The following PDS5A variants were observed in gnomAD, a reference collection of about 807,000 sequenced individuals.
PDS5A encodes PDS5 cohesin associated factor A.
PDS5A carries 42 observed loss-of-function variants against 167.1 expected under a neutral mutation model. That is an observed-to-expected ratio of 0.25 (90% CI 0.20 to 0.33). PDS5A has a LOEUF of 0.33. Ranked by LOEUF, PDS5A falls within the 10% of genes least tolerant of loss-of-function variation. The pLI is 1.00. For missense variants in PDS5A, 1,033 were observed against 1,605.9 expected (o/e 0.64, Z 6.10); for synonymous variants, 553 against 554.6 (o/e 1.00, Z 0.04).
intron 18 of PDS5A, among the ~76,000 whole-genome samples, chr4:39,879,228 C>T (rs1366516047): frequency 6.6e-6 from 1 of 152,138 alleles, no homozygotes; most frequent in Non-Finnish European, 1.5e-5. Context: ...TGGTTGTAAG[C>T]CAGGTTAAAA....
chr4:39,846,603 T>C (rs1273515213), intron 28 of PDS5A: 1 of 152,218 alleles, frequency 6.6e-6, no homozygotes, highest in Admixed American at 6.5e-5. Context: ...TGGAAAATGA[T>C]AGCACTTTGA....
At chr4:39,913,444 T>C (rs1724074130) in intron 9 of PDS5A, among the ~76,000 whole-genome samples, 167 bp downstream of exon 9, 1 of 152,166 alleles carries the variant, frequency 6.6e-6, no homozygotes, top group Admixed American at 6.5e-5. Context: ...GCTTTCTTCA[T>C]AAAAAATTTT....
intron 32 of PDS5A, among the ~76,000 whole-genome samples, chr4:39,826,471 A>ATTTTTAT (rs1553885377): frequency 1.7e-5 from 1 of 58,756 alleles, no homozygotes; most frequent in Non-Finnish European, 4.6e-5. Flanking sequence ...TTCATTCCAC[A>ATTTTTAT]TTTTTATTTA....
intron 18 of PDS5A, among the ~76,000 whole-genome samples, chr4:39,878,081 A>G (rs1427835282): frequency 6.6e-6 from 1 of 152,212 alleles, no homozygotes; most frequent in African/African-American, 2.4e-5. Context: ...CATAAAGTAG[A>G]AACAATTCAG....
At chr4:39,885,515 G>T (rs1721368169) in intron 17 of PDS5A, among the ~76,000 whole-genome samples, 1 of 152,130 alleles carries the variant, frequency 6.6e-6, no homozygotes, top group South Asian at 2.1e-4. Context: ...TGAGGTCTGA[G>T]ATCGTTTGAG....
intron 2 of PDS5A, among the ~76,000 whole-genome samples, chr4:39,933,863 G>A (rs536630813): frequency 2.6e-5 from 4 of 152,248 alleles, no homozygotes; most frequent in South Asian, 2.1e-4. Context: ...CATAATTCTC[G>A]TATAGCCCAT....
intron 2 of PDS5A, among the ~76,000 whole-genome samples, chr4:39,945,112 C>A (rs536969137): frequency 6.6e-6 from 1 of 151,946 alleles, no homozygotes; most frequent in African/African-American, 2.4e-5. Flanking sequence ...TTATTAATAC[C>A]CCCGTTTAAC....
intron 2 of PDS5A, among the ~76,000 whole-genome samples, chr4:39,962,940 C>T (rs987718434): frequency 6.6e-6 from 1 of 151,212 alleles, no homozygotes; most frequent in Non-Finnish European, 1.5e-5. Context: ...ACAGCCTGGG[C>T]GACAGAGCAA....
At chr4:39,901,679 C>T (rs576120342) in intron 13 of PDS5A, among the ~76,000 whole-genome samples, 3 of 152,290 alleles carry the variant, frequency 2.0e-5, no homozygotes, top group East Asian at 1.9e-4. Flanking sequence ...CAGAATCTCA[C>T]TACATTGCCC....
chr4:39,927,377 T>C (rs555151135), intron 3 of PDS5A, among the ~76,000 whole-genome samples: 1 of 152,312 alleles, frequency 6.6e-6, no homozygotes, highest in Non-Finnish European at 1.5e-5. Flanking sequence ...AAGCTTTCTT[T>C]AGAAATTTTA....
At chr4:39,974,586 C>T (rs1407257099) in intron 2 of PDS5A, among the ~76,000 whole-genome samples, 1 of 152,000 alleles carries the variant, frequency 6.6e-6, no homozygotes, top group Non-Finnish European at 1.5e-5. Flanking sequence ...CTCCTGTTGC[C>T]CAGGCTGGAG....
At position 39,849,676 on chromosome 4, in the gene PDS5A, A is replaced by G. The variant is rs775964834; in HGVS notation, c.3087-24T>C. On this transcript the variant is annotated intron_variant, in intron 26 of 32. Transcript: ENST00000303538. Reference sequence around the variant, plus strand: ...ACCTAAATGTAAACATATTAAAGAGACTAGACGTAGATAGATGCTTTAGCT... The same window carrying G: ...ACCTAAATGTAAACATATTAAAGAGGCTAGACGTAGATAGATGCTTTAGCT... 2.5e-6 allele frequency: 4 copies of G among 1,571,622 alleles called. No individual in the cohort carries two copies. In the South Asian group the frequency reaches 4.5e-5, roughly 18 times the overall value.
chr4:39,968,424 A>G (rs1380570947), intron 2 of PDS5A, among the ~76,000 whole-genome samples: 1 of 144,724 alleles, frequency 6.9e-6, no homozygotes, highest in Non-Finnish European at 1.5e-5. Context: ...TTACTTAATT[A>G]TAATATTAAT....
chr4:39,938,168 T>G (rs1050582960), intron 2 of PDS5A, among the ~76,000 whole-genome samples: 3 of 152,256 alleles, frequency 2.0e-5, no homozygotes, highest in African/African-American at 7.2e-5. Context: ...ATCTGACCAC[T>G]TGGCAGCTCT....
At chr4:39,954,290 T>C (rs1728696321) in intron 2 of PDS5A, among the ~76,000 whole-genome samples, 1 of 151,276 alleles carries the variant, frequency 6.6e-6, no homozygotes, top group South Asian at 2.1e-4. Flanking sequence ...AGCCCAGGAG[T>C]TTGAGGCTGC....
rs1414877401 is a variant in PDS5A at position 39,977,164 on chromosome 4, GC to G, written c.-41+292del. On this transcript the variant is annotated intron_variant, in intron 1 of 32. Transcript: ENST00000303538. This position sits in a 1 kb window ranked among gnomAD's most constrained non-coding sequence, Gnocchi z 4.2. ...CGCGCTGCCACCCCTCCCCTGTTCCGCTCCCTCACCCCCGCGGGAGGGGAAA... is the reference window on the plus strand; with the variant it reads ...CGCGCTGCCACCCCTCCCCTGTTCCGTCCCTCACCCCCGCGGGAGGGGAAA... 2.6e-5 allele frequency among the ~76,000 whole-genome samples: 4 copies of G among 151,034 alleles called. No individual in the cohort carries two copies. Among genetic ancestry groups the G allele is most frequent in the Non-Finnish European group, 4.4e-5 (3 of 67,698 alleles).
rs751218532 is a variant in PDS5A at position 39,869,443 on chromosome 4, C to T, written c.2456G>A (p.Gly819Glu). The change falls in exon 22 of 33, where the codon GGA (glycine) becomes GAA (glutamate). Residue 819 changes from glycine (G) to glutamate (E), a missense_variant. Physicochemically the swap from Gly to Glu is moderately conservative, Grantham distance 98 (BLOSUM62 -2). Coordinates refer to ENST00000303538, the MANE Select transcript of PDS5A (RefSeq NM_001100399.2). ...MNDRSTGEKN[G>E]KLWSPDEEVS... ...CTCTTCATCTGGAGACCACAGTTTTCCATTCTTTTCACCTGTTGACTATAG... is the reference window on the plus strand; with the variant it reads ...CTCTTCATCTGGAGACCACAGTTTTTCATTCTTTTCACCTGTTGACTATAG... 1.2e-6 allele frequency: 2 copies of T among 1,603,634 alleles called. No homozygotes were observed. The highest frequency in any genetic ancestry group is 3.3e-5 in the Admixed American group (2 of 59,962).
intron 6 of PDS5A, 96 bp downstream of exon 6, chr4:39,922,526 T>C: frequency 9.2e-7 from 1 of 1,083,458 alleles, no homozygotes; most frequent in African/African-American, 1.6e-5. Context: ...TGAGAACAAT[T>C]ACATGGGATT....
At chr4:39,975,617 C>T (rs900900953) in intron 2 of PDS5A, among the ~76,000 whole-genome samples, 7 of 152,162 alleles carry the variant, frequency 4.6e-5, no homozygotes, top group Non-Finnish European at 1.0e-4. Context: ...GTTTCCTAGC[C>T]GGACTCACTG....
Sources: allele counts gnomAD v4.1 joint callset (sites outside exome capture counted in the v4.1 genomes callset), GRCh38; gene constraint gnomAD v4.1.1; non-coding constraint Gnocchi (gnomAD v3.1); transcripts MANE v1.5; gene names NCBI Gene and HGNC (gene_info 2026-07-23, HGNC 2026-07-21).